Variants in VMP1 observed in about 807,000 individuals in gnomAD.
The protein encoded by VMP1 is ectopic P-granules autophagy protein 3 homolog.
A neutral mutation model predicts 56.0 loss-of-function variants in VMP1; 11 were observed. The ratio of observed to expected loss-of-function variants is 0.20; its 90% CI spans 0.12 to 0.32. The LOEUF (loss-of-function observed/expected upper bound fraction) is 0.32, where lower values mean the gene tolerates loss of function less well. VMP1 is among the 10% of genes least tolerant of loss of function. The pLI, the probability that VMP1 is intolerant of heterozygous loss-of-function variation, is 1.00. For missense variants in VMP1, 296 were observed against 490.3 expected (o/e 0.60, Z 3.74); for synonymous variants, 149 against 165.0 (o/e 0.90, Z 0.74).
At chr17:59,716,976 TTA>T (rs950379032) in intron 1 of VMP1, among the ~76,000 whole-genome samples, 1 of 151,872 alleles carries the variant, frequency 6.6e-6, no homozygotes, top group African/African-American at 2.4e-5. Flanking sequence ...CCTCCAATTT[TTA>T]TTTTTTTTTA....
At chr17:59,744,643 AGAG>A (rs1010328675) in intron 5 of VMP1, among the ~76,000 whole-genome samples, 6 of 150,580 alleles carry the variant, frequency 4.0e-5, no homozygotes, top group African/African-American at 1.5e-4. Flanking sequence ...AAAAAAAAAA[AGAG>A]AGAGACAGAA....
At chr17:59,796,793 T>G (rs1033805568) in intron 7 of VMP1, among the ~76,000 whole-genome samples, 13 of 152,222 alleles carry the variant, frequency 8.5e-5, no homozygotes, top group Admixed American at 4.6e-4. Context: ...CATTTAGATT[T>G]TTTTCAATTG....
At chr17:59,795,422 T>A (rs1056917523) in intron 7 of VMP1, among the ~76,000 whole-genome samples, 1 of 151,574 alleles carries the variant, frequency 6.6e-6, no homozygotes, top group East Asian at 1.9e-4. Context: ...TGGCCGATAA[T>A]TTTTTGATTT....
chr17:59,750,772 ATATT>A (rs1598337287), intron 5 of VMP1, among the ~76,000 whole-genome samples: 1 of 152,198 alleles, frequency 6.6e-6, no homozygotes, highest in East Asian at 1.9e-4. Context: ...TTATGCAGGC[ATATT>A]TTTGTTCATT....
chr17:59,797,134 C>G (rs1379393047), intron 7 of VMP1, among the ~76,000 whole-genome samples: 1 of 148,524 alleles, frequency 6.7e-6, no homozygotes, highest in Non-Finnish European at 1.5e-5. Context: ...GAGTTCCAGA[C>G]CAGCCTGGCC....
At chr17:59,718,907 A>C (rs2034280301) in intron 1 of VMP1, among the ~76,000 whole-genome samples, 1 of 152,022 alleles carries the variant, frequency 6.6e-6, no homozygotes, top group Admixed American at 6.6e-5. Context: ...CATTATTATG[A>C]ATTTTCAGAG....
intron 1 of VMP1, among the ~76,000 whole-genome samples, chr17:59,721,427 C>T (rs532016487): frequency 3.9e-4 from 59 of 152,228 alleles, no homozygotes; most frequent in Admixed American, 2.9e-3. Flanking sequence ...TAAGTCAGGA[C>T]GTATTGGCAG....
At chr17:59,735,195 A>G in intron 2 of VMP1, 143 bp from the exon 3 acceptor site, 3 of 1,047,682 alleles carry the variant, frequency 2.9e-6, no homozygotes, top group Non-Finnish European at 4.0e-6. Context: ...TATAGGTACT[A>G]CTAGTTGCCA....
intron 8 of VMP1, 108 bp from the exon 9 acceptor site, chr17:59,811,562 G>C: frequency 1.2e-6 from 1 of 801,084 alleles, no homozygotes; most frequent in Non-Finnish European, 2.1e-6. Flanking sequence ...CCCATATATT[G>C]CTTTGCAGTG....
intron 7 of VMP1, among the ~76,000 whole-genome samples, chr17:59,786,709 G>A (rs2037018570): frequency 6.6e-6 from 1 of 152,096 alleles, no homozygotes. Context: ...GTAACCACAG[G>A]GCTTGTTAAA....
intron 7 of VMP1, among the ~76,000 whole-genome samples, chr17:59,787,674 T>C (rs2037052024): frequency 6.6e-6 from 1 of 151,748 alleles, no homozygotes; most frequent in South Asian, 2.1e-4. Flanking sequence ...ATACAAAAAT[T>C]AGTGGGGCAT....
intron 7 of VMP1, among the ~76,000 whole-genome samples, chr17:59,802,298 G>A (rs927906953): frequency 6.6e-6 from 1 of 151,804 alleles, no homozygotes; most frequent in African/African-American, 2.4e-5. Flanking sequence ...TACAGTAACA[G>A]GTTGTGTAGG....
At chr17:59,733,392 G>A (rs780707442) in intron 2 of VMP1, among the ~76,000 whole-genome samples, 2 of 151,936 alleles carry the variant, frequency 1.3e-5, no homozygotes, top group South Asian at 2.1e-4. Flanking sequence ...TGGAATTACC[G>A]GTTTACAGTG....
chr17:59,782,447 A>G (rs2036857557), intron 7 of VMP1, among the ~76,000 whole-genome samples: 1 of 152,180 alleles, frequency 6.6e-6, no homozygotes, highest in South Asian at 2.1e-4. Flanking sequence ...TAGAAATGGT[A>G]TATTAAAAAG....
chr17:59,811,386 A>C (rs1197468890), intron 8 of VMP1, among the ~76,000 whole-genome samples: 2 of 152,204 alleles, frequency 1.3e-5, no homozygotes, highest in Non-Finnish European at 2.9e-5. Context: ...ATGGGCACAC[A>C]CACAAACACA....
At chr17:59,820,282 G>T (rs1487199280) in intron 10 of VMP1, among the ~76,000 whole-genome samples, 1 of 151,968 alleles carries the variant, frequency 6.6e-6, no homozygotes, top group Non-Finnish European at 1.5e-5. Flanking sequence ...TTTTCTCTTT[G>T]CCTAGTTCAA....
intron 5 of VMP1, among the ~76,000 whole-genome samples, chr17:59,741,355 C>A (rs2035218785): frequency 6.6e-6 from 1 of 151,910 alleles, no homozygotes; most frequent in Admixed American, 6.6e-5. Context: ...ACAAGCTTCC[C>A]AGGAGGTGAT....
At chr17:59,807,205 T>G (rs534569304) in intron 7 of VMP1, among the ~76,000 whole-genome samples, 9 of 150,860 alleles carry the variant, frequency 6.0e-5, no homozygotes, top group East Asian at 1.9e-4. Context: ...TTTTGTTTTT[T>G]TTTTTTTTTG....
intron 7 of VMP1, among the ~76,000 whole-genome samples, chr17:59,797,708 C>T (rs771081809): frequency 3.3e-5 from 5 of 152,132 alleles, no homozygotes; most frequent in Admixed American, 6.5e-5. Context: ...GAAACCCTGT[C>T]GTTACTAAAA....
Sources: gnomAD v4.1 joint callset for allele counts (sites outside exome capture counted in the v4.1 genomes callset) on GRCh38, gnomAD v4.1.1 for gene constraint, MANE v1.5 for transcripts, NCBI Gene and HGNC (gene_info 2026-07-23, HGNC 2026-07-21) for gene names.